The following REV3L variants were observed in gnomAD, a reference collection of about 807,000 sequenced individuals.
REV3L encodes DNA polymerase zeta catalytic subunit.
Under a neutral mutation model 299.4 loss-of-function variants are expected in REV3L, and 69 were observed. That is an observed-to-expected ratio of 0.23 (90% CI 0.19 to 0.28). The LOEUF is 0.28. Among genes scored for constraint, REV3L ranks in the 10% least tolerant of loss-of-function variants. The probability of loss-of-function intolerance (pLI) is 1.00; values close to 1 mark genes in which losing one functional copy is unlikely to be tolerated. For missense variants in REV3L, 3,128 were observed against 3,693.8 expected, an observed-to-expected ratio of 0.85 and a Z score of 3.97; for synonymous variants, 1,238 against 1,271.4, an observed-to-expected ratio of 0.97 and a Z score of 0.56.
In REV3L at chr6:111,398,433, G is replaced by GA. The variant is rs34635053; in HGVS notation, c.566-5462dup. 3.6e-3 allele frequency among the ~76,000 whole-genome samples: 539 copies of GA among 147,900 alleles called. 3 individuals are homozygous for GA. Among genetic ancestry groups the GA allele is most frequent in the African/African-American group, 0.013 (510 of 40,394 alleles). On this transcript the variant is annotated intron_variant, in intron 4 of 31. Coordinates refer to ENST00000368802, the MANE Select transcript of REV3L (RefSeq NM_001372078.1). ...CATGTGGGGGGAAAAAAAGAAAAAA[G>GA]AAAAAAAAAATTGTCCCATTTACAT...
At chr6:111,426,587 T>A (rs1460810629) in intron 1 of REV3L, among the ~76,000 whole-genome samples, 1 of 152,140 alleles carries the variant, frequency 6.6e-6, no homozygotes, top group African/African-American at 2.4e-5. Context: ...CATAAATGGG[T>A]TAAGGGCCAA....
chr6:111,310,245 A>G, intron 29 of REV3L, 146 bp from the exon 30 acceptor site: 1 of 1,050,988 alleles, frequency 9.5e-7, no homozygotes. Flanking sequence ...TTCTTTGAGA[A>G]TAATATATAT....
intron 3 of REV3L, among the ~76,000 whole-genome samples, chr6:111,409,356 C>G (rs561090073): frequency 6.8e-6 from 1 of 148,008 alleles, no homozygotes; most frequent in South Asian, 2.1e-4. Context: ...TAATGTGAAA[C>G]CGGCTTTTTT....
intron 4 of REV3L, among the ~76,000 whole-genome samples, chr6:111,395,640 T>C (rs1408471297): frequency 6.6e-6 from 1 of 152,184 alleles, no homozygotes; most frequent in East Asian, 1.9e-4. Flanking sequence ...TCATGTCACC[T>C]GTGAAAAAGG....
chr6:111,368,263 G>T (rs1365903396), intron 13 of REV3L, among the ~76,000 whole-genome samples: 1 of 152,130 alleles, frequency 6.6e-6, no homozygotes, highest in African/African-American at 2.4e-5. Context: ...CTTAGGGAGA[G>T]AAGGTATTTT....
chr6:111,429,397 G>C (rs937521070), intron 1 of REV3L, among the ~76,000 whole-genome samples: 1 of 152,134 alleles, frequency 6.6e-6, no homozygotes, highest in Non-Finnish European at 1.5e-5. Flanking sequence ...GCACATGGGA[G>C]TTCTTCCACC....
At chr6:111,382,794 C>G (rs1057509146) in intron 9 of REV3L, among the ~76,000 whole-genome samples, 3 of 152,104 alleles carry the variant, frequency 2.0e-5, no homozygotes, top group African/African-American at 7.2e-5. Flanking sequence ...CCCCCCCTCC[C>G]CCAACCTTCA....
chr6:111,364,605 TAA>T (rs957264914), intron 15 of REV3L, among the ~76,000 whole-genome samples: 10 of 152,040 alleles, frequency 6.6e-5, no homozygotes, highest in Non-Finnish European at 1.5e-4. Context: ...AATGAAAGTT[TAA>T]AAAGTTTGAT....
intron 4 of REV3L, among the ~76,000 whole-genome samples, chr6:111,400,420 C>T (rs958323350): frequency 6.6e-6 from 1 of 152,304 alleles, no homozygotes; most frequent in East Asian, 1.9e-4. Context: ...GAATTGTAGT[C>T]ATTCTAATAG....
intron 18 of REV3L, among the ~76,000 whole-genome samples, chr6:111,355,810 C>T (rs995008701): frequency 3.3e-5 from 5 of 152,122 alleles, no homozygotes; most frequent in African/African-American, 1.2e-4. Context: ...ATACTGAAAG[C>T]ATCTGACATG....
chr6:111,344,367 T>C (rs1028473191), intron 20 of REV3L, among the ~76,000 whole-genome samples: 24 of 151,030 alleles, frequency 1.6e-4, no homozygotes, highest in African/African-American at 5.5e-4. Context: ...AGAAGCATTG[T>C]CAAGCAAATT....
At chr6:111,477,206 T>C (rs780313232) in intron 1 of REV3L, among the ~76,000 whole-genome samples, 3 of 152,234 alleles carry the variant, frequency 2.0e-5, no homozygotes, top group Non-Finnish European at 4.4e-5. Context: ...AGAGTTGTTC[T>C]CTGTGATGAT....
At chr6:111,419,100 A>G (rs1360730475) in intron 1 of REV3L, among the ~76,000 whole-genome samples, 1 of 152,196 alleles carries the variant, frequency 6.6e-6, no homozygotes, top group East Asian at 1.9e-4. Flanking sequence ...GAATGACCTG[A>G]AGTGCCATCC....
At chr6:111,327,004 T>C (rs567690459) in intron 25 of REV3L, among the ~76,000 whole-genome samples, 44 of 152,250 alleles carry the variant, frequency 2.9e-4, no homozygotes, top group Admixed American at 1.0e-3. Flanking sequence ...AATCTGAGGA[T>C]AGCTGAGAAG....
chr6:111,467,509 C>T (rs1214343521), intron 1 of REV3L, among the ~76,000 whole-genome samples: 2 of 152,220 alleles, frequency 1.3e-5, no homozygotes, highest in African/African-American at 2.4e-5. Flanking sequence ...AATTATATAG[C>T]TGGCCCTCCA....
chr6:111,410,287 T>C (rs1244026610), intron 3 of REV3L, among the ~76,000 whole-genome samples: 1 of 152,242 alleles, frequency 6.6e-6, no homozygotes, highest in Non-Finnish European at 1.5e-5. Flanking sequence ...GGCATTGTGA[T>C]AAGCTGACTA....
At chr6:111,369,749 ATAT>A (rs1183737337) in intron 13 of REV3L, among the ~76,000 whole-genome samples, 2 of 152,142 alleles carry the variant, frequency 1.3e-5, no homozygotes, top group Admixed American at 6.5e-5. Flanking sequence ...ACACATCAAA[ATAT>A]TATGGTGGCT....
intron 1 of REV3L, among the ~76,000 whole-genome samples, chr6:111,473,327 C>G (rs932433821): frequency 6.6e-6 from 1 of 151,616 alleles, no homozygotes; most frequent in Non-Finnish European, 1.5e-5. Flanking sequence ...TCCCAAAGTG[C>G]TGGGATTATA....
chr6:111,400,477 G>A (rs1418589786), intron 4 of REV3L, among the ~76,000 whole-genome samples: 2 of 152,044 alleles, frequency 1.3e-5, no homozygotes, highest in African/African-American at 4.8e-5. Context: ...TTTCCCTAAC[G>A]ACATATAATG....
Sources: gnomAD v4.1 joint callset for allele counts (sites outside exome capture counted in the v4.1 genomes callset) on GRCh38, gnomAD v4.1.1 for gene constraint, MANE v1.5 for transcripts, NCBI Gene and HGNC (gene_info 2026-07-23, HGNC 2026-07-21) for gene names.